FIGN: variants seen among roughly 807,000 people sequenced by gnomAD.
FIGN encodes fidgetin.
Under a neutral mutation model 51.3 loss-of-function variants are expected in FIGN, and 11 were observed. The ratio of observed to expected loss-of-function variants is 0.21; its 90% CI spans 0.13 to 0.35. The LOEUF is 0.35. FIGN is among the 10% of genes least tolerant of loss of function. The pLI is 1.00. For synonymous variants in FIGN, 407 were observed against 363.2 expected (o/e 1.12, Z -1.37); for missense variants, 857 against 943.6 (o/e 0.91, Z 1.20).
intron 2 of FIGN, among the ~76,000 whole-genome samples, chr2:163,657,572 T>G (rs1683582555): frequency 6.6e-6 from 1 of 151,428 alleles, no homozygotes; most frequent in Admixed American, 6.6e-5. Context: ...TTCCCCAAGT[T>G]GTCTGAGTGA....
intron 2 of FIGN, among the ~76,000 whole-genome samples, chr2:163,666,576 T>A (rs1683777254): frequency 6.6e-6 from 1 of 152,196 alleles, no homozygotes; most frequent in African/African-American, 2.4e-5. Flanking sequence ...TTTTCTCAAC[T>A]GACACTGAGG....
At chr2:163,728,125 C>T (rs879370161) in intron 2 of FIGN, among the ~76,000 whole-genome samples, 5 of 152,126 alleles carry the variant, frequency 3.3e-5, no homozygotes, top group East Asian at 1.9e-4. Flanking sequence ...CTAATGTCCA[C>T]GTATCAATAC....
intron 2 of FIGN, among the ~76,000 whole-genome samples, chr2:163,681,987 A>G (rs1227041727): frequency 6.6e-6 from 1 of 152,200 alleles, no homozygotes; most frequent in East Asian, 1.9e-4. Context: ...TCCCAAGTGT[A>G]TTTCTCATGA....
intron 2 of FIGN, among the ~76,000 whole-genome samples, chr2:163,718,815 TTA>T (rs1040983357): frequency 6.8e-6 from 1 of 147,900 alleles, no homozygotes. Flanking sequence ...AATAAACAGA[TTA>T]TATATATATA....
chr2:163,641,656 G>T (rs189311499), intron 2 of FIGN, among the ~76,000 whole-genome samples: 112 of 152,358 alleles, frequency 7.4e-4, no homozygotes, highest in African/African-American at 2.6e-3. Context: ...AAATGAGTTA[G>T]AAATCCGATG....
intron 2 of FIGN, among the ~76,000 whole-genome samples, chr2:163,663,247 T>C (rs961723964): frequency 6.6e-6 from 1 of 152,042 alleles, no homozygotes; most frequent in Non-Finnish European, 1.5e-5. Flanking sequence ...TTTTTTTTTT[T>C]TGAAGACTAA....
chr2:163,728,358 G>C (rs1684871953), intron 2 of FIGN, among the ~76,000 whole-genome samples: 1 of 149,382 alleles, frequency 6.7e-6, no homozygotes, highest in South Asian at 2.1e-4. Flanking sequence ...TCTGGGCCTG[G>C]GATAAGTATT....
intron 2 of FIGN, among the ~76,000 whole-genome samples, chr2:163,673,424 C>T (rs1326314850): frequency 6.6e-6 from 1 of 152,000 alleles, no homozygotes; most frequent in Admixed American, 6.6e-5. Flanking sequence ...TTTGTTTTAT[C>T]CTAGATGGTG....
At chr2:163,660,125 T>TA (rs1161639298) in intron 2 of FIGN, among the ~76,000 whole-genome samples, 1 of 150,928 alleles carries the variant, frequency 6.6e-6, no homozygotes, top group Non-Finnish European at 1.5e-5. Flanking sequence ...AAACAAAAAA[T>TA]AAAAAAAATT....
At chr2:163,646,753 T>C (rs1212457784) in intron 2 of FIGN, among the ~76,000 whole-genome samples, 3 of 152,218 alleles carry the variant, frequency 2.0e-5, no homozygotes, top group African/African-American at 7.2e-5. Context: ...TGACAATACA[T>C]TGATCTCACA....
chr2:163,690,328 A>G lies in FIGN; in HGVS notation c.25+44575T>C, dbSNP rs919332390. Among the ~76,000 whole-genome samples, 6 of 152,306 alleles carry G rather than the reference A, an allele frequency of 3.9e-5. No individual in the cohort carries two copies. In the East Asian group the frequency reaches 7.7e-4, roughly 20 times the overall value. Reference sequence around the variant, plus strand: ...AACAATAGGTTATATCTTCAATATAAATTTAAAAATCAAATAAAGTATCGG... The same window carrying G: ...AACAATAGGTTATATCTTCAATATAGATTTAAAAATCAAATAAAGTATCGG... On this transcript the variant is annotated intron_variant, in intron 2 of 2. Coordinates refer to ENST00000333129, the MANE Select transcript of FIGN (RefSeq NM_018086.4).
At chr2:163,706,804 A>C (rs1250768278) in intron 2 of FIGN, among the ~76,000 whole-genome samples, 1 of 152,148 alleles carries the variant, frequency 6.6e-6, no homozygotes, top group Non-Finnish European at 1.5e-5. Flanking sequence ...ATTCTGACAA[A>C]ATTTTATTTT....
chr2:163,615,613 C>T (rs1430873218), intron 2 of FIGN, among the ~76,000 whole-genome samples: 2 of 152,116 alleles, frequency 1.3e-5, no homozygotes. Context: ...AAGCAATACA[C>T]CTGTGTCACT....
chr2:163,658,023 G>A (rs143114188), intron 2 of FIGN, among the ~76,000 whole-genome samples: 177 of 152,066 alleles, frequency 1.2e-3, no homozygotes, highest in African/African-American at 4.1e-3. Flanking sequence ...AGGAAAAGAG[G>A]GAAGAAAAAC....
At chr2:163,663,176 C>G (rs913892707) in intron 2 of FIGN, among the ~76,000 whole-genome samples, 27 of 151,780 alleles carry the variant, frequency 1.8e-4, no homozygotes, top group Non-Finnish European at 3.1e-4. Flanking sequence ...CTGCCTTGAC[C>G]TCCCAAAGTG....
chr2:163,651,620 C>T (rs1311523458), intron 2 of FIGN, among the ~76,000 whole-genome samples: 1 of 152,144 alleles, frequency 6.6e-6, no homozygotes, highest in East Asian at 1.9e-4. Flanking sequence ...TGCAATAAGA[C>T]ATGTAATGCT....
chr2:163,658,897 G>A (rs573299812), intron 2 of FIGN, among the ~76,000 whole-genome samples: 65 of 152,162 alleles, frequency 4.3e-4, no homozygotes, highest in Non-Finnish European at 8.5e-4. Context: ...AGGAGTATCA[G>A]TTCTTTCACC....
intron 2 of FIGN, among the ~76,000 whole-genome samples, chr2:163,650,402 T>A (rs192884348): frequency 2.0e-5 from 3 of 152,076 alleles, no homozygotes; most frequent in Admixed American, 6.6e-5. Context: ...TCTGATTTTT[T>A]AAAATTATAC....
chr2:163,716,416 T>C (rs1559030983), intron 2 of FIGN, among the ~76,000 whole-genome samples: 2 of 152,230 alleles, frequency 1.3e-5, no homozygotes, highest in African/African-American at 4.8e-5. Context: ...GTAATTTATA[T>C]TTAAAATGTT....
Sources: gnomAD v4.1 joint callset for allele counts (sites outside exome capture counted in the v4.1 genomes callset) on GRCh38, gnomAD v4.1.1 for gene constraint, MANE v1.5 for transcripts, NCBI Gene and HGNC (gene_info 2026-07-23, HGNC 2026-07-21) for gene names.